Variants in CREBRF observed in about 807,000 individuals in gnomAD.
The protein encoded by CREBRF is CREB3 regulatory factor, also known as UPF0474 protein C5orf41.
In CREBRF, 5 loss-of-function variants were observed where a neutral mutation model predicts 66.1. The ratio of observed to expected loss-of-function variants is 0.08; its 90% confidence interval spans 0.04 to 0.16. CREBRF has a LOEUF of 0.16. CREBRF is among the 10% of genes least tolerant of loss of function. The pLI, the probability that CREBRF is intolerant of heterozygous loss-of-function variation, is 1.00. For missense variants in CREBRF, 531 were observed against 744.9 expected, an observed-to-expected ratio of 0.71 and a Z score of 3.34; for synonymous variants, 229 against 264.4, an observed-to-expected ratio of 0.87 and a Z score of 1.30.
intron 7 of CREBRF, among the ~76,000 whole-genome samples, chr5:173,114,582 T>C (rs140100895): frequency 3.2e-3 from 484 of 152,328 alleles, no homozygotes; most frequent in African/African-American, 0.011. Context: ...AGAAAATAAA[T>C]TTAGCTTTAT....
chr5:173,091,384 A>G lies in CREBRF; in HGVS notation c.1205A>G (p.Asp402Gly), dbSNP rs1396264780. ...YEDDKDDDIS[D>G]TFSEPGYEND... ...GATGACAAGGATGATGATATTAGTGATACTTTCTCTGAACCAGGTATTATA... is the reference window on the plus strand; with the variant it reads ...GATGACAAGGATGATGATATTAGTGGTACTTTCTCTGAACCAGGTATTATA... The change falls in exon 4 of 9, where the codon GAT becomes GGT. Residue 402 changes from aspartate (D) to glycine (G), a missense_variant. Asp to Gly is a moderately conservative substitution (Grantham distance 94). Coordinates refer to ENST00000296953, the MANE Select transcript of CREBRF (RefSeq NM_153607.3). 6 of 1,613,770 alleles carry G rather than the reference A, an allele frequency of 3.7e-6. No individual in the cohort carries two copies. Among genetic ancestry groups the G allele is most frequent in the Non-Finnish European group, 5.1e-6 (6 of 1,179,930 alleles).
chr5:173,091,811 G>T lies in CREBRF; in HGVS notation c.1222+410G>T, dbSNP rs1219505938. The T allele has an allele frequency of 7.1e-6, 7 of 987,924 alleles. No individual in the cohort carries two copies. The South Asian group carries it at 2.3e-4, about 33-fold the overall frequency. The allele number at this position is 987,924 out of a possible 1,614,324, so 61.2% of individuals were successfully genotyped here. A position where few individuals can be genotyped will look rare whatever the true frequency, so the allele number is the denominator to read the frequency against. ...AAAATATTCCTGTTTAGGGCCAGGC[G>T]CAGTGGCTCACGTTAGTAATCCCAG... On this transcript the variant is annotated intron_variant, in intron 4 of 8. Transcript: ENST00000296953.
intron 1 of CREBRF, among the ~76,000 whole-genome samples, chr5:173,074,035 G>A (rs1197347342): frequency 1.3e-5 from 2 of 151,678 alleles, no homozygotes; most frequent in African/African-American, 4.8e-5. Context: ...GGTTGCGGTG[G>A]CTCATGCCTG....
intron 2 of CREBRF, among the ~76,000 whole-genome samples, chr5:173,082,196 G>C (rs1757975417): frequency 6.6e-6 from 1 of 151,682 alleles, no homozygotes; most frequent in Non-Finnish European, 1.5e-5. Flanking sequence ...TGTATTTTTA[G>C]TGGAGACGGG....
At chr5:173,057,201 T>C (rs1185522694) in intron 1 of CREBRF, 1 of 148,966 alleles carries the variant, frequency 6.7e-6, no homozygotes, top group Non-Finnish European at 1.5e-5. Flanking sequence ...AGCGGGCGGA[T>C]GGAGACTTCT....
At chr5:173,113,038 G>A (rs1300533295) in intron 7 of CREBRF, among the ~76,000 whole-genome samples, 1 of 152,204 alleles carries the variant, frequency 6.6e-6, no homozygotes, top group Non-Finnish European at 1.5e-5. Context: ...TGTTGCCCAG[G>A]CTAGAGTGCA....
chr5:173,092,075 C>CT, intron 4 of CREBRF: 1 of 654,638 alleles, frequency 1.5e-6, no homozygotes, highest in Non-Finnish European at 1.9e-6. Context: ...GAGTGAAAGT[C>CT]TGTCTCAATA....
rs1213182795 is a variant in CREBRF at position 173,134,339 on chromosome 5, CT to C, written c.*597del. ...GCAAGTAAGAAAAAAAAAGCATATT[CT>C]TTGTGCCTTGTATTTTGGGGAAACT... On this transcript the variant is annotated 3_prime_UTR_variant, in exon 9 of 9. Transcript: ENST00000296953. 1 of 260,846 alleles carries C rather than the reference CT, an allele frequency of 3.8e-6. No individual in the cohort carries two copies. Among genetic ancestry groups the C allele is most frequent in the Non-Finnish European group, 7.7e-6 (1 of 129,958 alleles). 16.2% of individuals were successfully genotyped at this position (260,846 alleles called of 1,614,324 possible).
intron 4 of CREBRF, among the ~76,000 whole-genome samples, chr5:173,105,554 C>T (rs1027997018): frequency 6.6e-6 from 1 of 151,972 alleles, no homozygotes; most frequent in African/African-American, 2.4e-5. Context: ...CACTGCACTC[C>T]ACCTCCCAGG....
Position 173,071,680 on chromosome 5 carries a change from G to A in CREBRF, c.-191-8905G>A, listed in dbSNP as rs534906238. Among the ~76,000 whole-genome samples, 5 of 152,152 alleles carry A rather than the reference G, an allele frequency of 3.3e-5. No individual in the cohort carries two copies. In the South Asian group the frequency reaches 1.1e-3, roughly 32 times the overall value. On this transcript the variant is annotated intron_variant, in intron 1 of 8. Transcript: ENST00000296953. ...GTAGTTTGGACATTATCCAAGAAATGTATGGGAGTTGCTGATGACTTTGGA... is the reference window on the plus strand; with the variant it reads ...GTAGTTTGGACATTATCCAAGAAATATATGGGAGTTGCTGATGACTTTGGA...
intron 6 of CREBRF, 23 bp downstream of exon 6, chr5:173,110,734 C>G: frequency 6.3e-7 from 1 of 1,579,106 alleles, no homozygotes; most frequent in Non-Finnish European, 8.6e-7. Flanking sequence ...AATGTTCACT[C>G]ATGTGAAGAA....
At chr5:173,100,131 ATTTTTTTTTTTT>A (rs1184133658) in intron 4 of CREBRF, among the ~76,000 whole-genome samples, 1 of 42,864 alleles carries the variant, frequency 2.3e-5, no homozygotes, top group Non-Finnish European at 4.6e-5. Context: ...TATATATATA[ATTTTTTTTTTTT>A]TTTTTTTTTT....
rs182690109 is a variant in CREBRF at position 173,089,395 on chromosome 5, T to C, written c.136-920T>C. 6.6e-5 allele frequency among the ~76,000 whole-genome samples: 10 copies of C among 152,194 alleles called. No individual in the cohort carries two copies. In the East Asian group the frequency reaches 1.9e-3, roughly 29 times the overall value. The stretch of plus-strand genomic sequence containing the variant: ...GTATATAGTTTTTTTGTATATACTT[T>C]TTAATTGGATAATATAGATAACAGT... On this transcript the variant is annotated intron_variant, in intron 3 of 8. Transcript: ENST00000296953.
In CREBRF at chr5:173,134,148, T is replaced by C. The variant is rs1250858698; in HGVS notation, c.*403T>C. On this transcript the variant is annotated 3_prime_UTR_variant, in exon 9 of 9. Coordinates refer to ENST00000296953, the MANE Select transcript of CREBRF (RefSeq NM_153607.3). ...TCGGTTTAAATTGTTTTTAGAATTA[T>C]TGCTTTTTGTTCTAATTTTCCACAA... 1.3e-5 allele frequency: 2 copies of C among 153,448 alleles called. No homozygotes were observed. The highest frequency in any genetic ancestry group is 2.0e-4 in the South Asian group (1 of 4,926). 9.5% of individuals were successfully genotyped at this position (153,448 alleles called of 1,614,324 possible).
intron 4 of CREBRF, among the ~76,000 whole-genome samples, chr5:173,102,051 T>C (rs1296799027): frequency 6.6e-6 from 1 of 152,206 alleles, no homozygotes; most frequent in Non-Finnish European, 1.5e-5. Context: ...GCTTCTTTCT[T>C]CTGTTTGATC....
In CREBRF at chr5:173,065,594, A is replaced by ACCCT. The variant is rs370907112; in HGVS notation, c.-192+9125_-192+9128dup. Among the ~76,000 whole-genome samples the ACCCT allele has an allele frequency of 5.9e-3, 416 of 70,846 alleles. 2 individuals carry two copies. Among genetic ancestry groups the ACCCT allele is most frequent in the African/African-American group, 0.021 (384 of 18,300 alleles). The allele number at this position is 70,846 out of a possible 152,430, so 46.5% of individuals were successfully genotyped here. ...GTCTCTTGCGTTTATTTCACCTCCC[A>ACCCT]CCCTCCCTCCCTCTCTCTCTTTATT... On this transcript the variant is annotated intron_variant, in intron 1 of 8. Transcript: ENST00000296953.
chr5:173,072,006 G>A (rs1757612553), intron 1 of CREBRF, among the ~76,000 whole-genome samples: 1 of 152,140 alleles, frequency 6.6e-6, no homozygotes, highest in African/African-American at 2.4e-5. Flanking sequence ...AGTGAGCTGA[G>A]ATCACTCCAC....
chr5:173,100,078 TTGTGTGTGTGTGTGTGTGTG>T (rs749558283), intron 4 of CREBRF, among the ~76,000 whole-genome samples: 1 of 69,134 alleles, frequency 1.4e-5, no homozygotes, highest in African/African-American at 6.0e-5. Context: ...GGCTAATCTT[TTGTGTGTGTGTGTGTGTGTG>T]TGTGTGTGTG....
intron 6 of CREBRF, among the ~76,000 whole-genome samples, chr5:173,111,852 A>G (rs903007739): frequency 6.6e-6 from 1 of 152,236 alleles, no homozygotes; most frequent in Non-Finnish European, 1.5e-5. Context: ...CCTGCTAGCA[A>G]CACATGAGGG....
Sources: gnomAD v4.1 joint callset for allele counts (sites outside exome capture counted in the v4.1 genomes callset) on GRCh38, gnomAD v4.1.1 for gene constraint, MANE v1.5 for transcripts, NCBI Gene and HGNC (gene_info 2026-07-23, HGNC 2026-07-21) for gene names.